CACNA1C: variants seen among roughly 807,000 people sequenced by gnomAD.
CACNA1C encodes the protein voltage-dependent L-type calcium channel subunit alpha-1C.
A neutral mutation model predicts 229.0 loss-of-function variants in CACNA1C; 30 were observed. The observed-to-expected ratio is 0.13, with a 90% CI of 0.10 to 0.18. CACNA1C has a LOEUF of 0.18. Among genes scored for constraint, CACNA1C ranks in the 10% least tolerant of loss-of-function variants. The probability of loss-of-function intolerance (pLI) is 1.00; values close to 1 mark genes in which losing one functional copy is unlikely to be tolerated. For missense variants in CACNA1C, 1,658 were observed against 2,845.0 expected, an observed-to-expected ratio of 0.58 and a Z score of 9.49; for synonymous variants, 1,114 against 1,132.5, an observed-to-expected ratio of 0.98 and a Z score of 0.33.
At position 2,602,471 on chromosome 12, in the gene CACNA1C, G is replaced by A. The variant is rs989899772; in HGVS notation, c.2960+511G>A. 1.3e-5 allele frequency among the ~76,000 whole-genome samples: 2 copies of A among 152,010 alleles called. No individual in the cohort carries two copies. Among genetic ancestry groups the A allele is most frequent in the South Asian group, 2.1e-4 (1 of 4,816 alleles). Reference sequence around the variant, plus strand: ...ACGTGTGTGGATGTGTGGGGTGTGTGTATATGTGGATGTGTGTTTGTGGCT... The same window carrying A: ...ACGTGTGTGGATGTGTGGGGTGTGTATATATGTGGATGTGTGTTTGTGGCT... On this transcript the variant is annotated intron_variant, in intron 22 of 46. Transcript: ENST00000399655. This position sits in a 1 kb window ranked among gnomAD's most constrained non-coding sequence, Gnocchi z 4.4.
chr12:2,202,251 G>A (rs982095644), intron 3 of CACNA1C, among the ~76,000 whole-genome samples: 28 of 152,208 alleles, frequency 1.8e-4, no homozygotes, highest in African/African-American at 6.5e-4. Flanking sequence ...AGCCCAGGCT[G>A]CCATGTGGCC....
At chr12:2,244,814 A>G (rs1440362513) in intron 3 of CACNA1C, among the ~76,000 whole-genome samples, 1 of 152,252 alleles carries the variant, frequency 6.6e-6, no homozygotes, top group Non-Finnish European at 1.5e-5. Flanking sequence ...ATGTTAATAA[A>G]CAGGGGGATT....
At chr12:2,297,769 C>T (rs927767840) in intron 3 of CACNA1C, among the ~76,000 whole-genome samples, 1 of 152,102 alleles carries the variant, frequency 6.6e-6, no homozygotes, top group Non-Finnish European at 1.5e-5. Context: ...TGTGCATATA[C>T]TTAAGTCTGT....
In CACNA1C at chr12:2,004,783, C is replaced by T. The variant is rs2043067989; in HGVS notation, c.139+33582C>T. The T allele has an allele frequency of 1.2e-5, 3 of 256,458 alleles. No homozygotes were observed. The Admixed American group carries it at 1.6e-4, about 13-fold the overall frequency. 15.9% of individuals were successfully genotyped at this position (256,458 alleles called of 1,614,324 possible). A position where few individuals can be genotyped will look rare whatever the true frequency, so the allele number is the denominator to read the frequency against. ...TGTTCGACCCCTTGGCATATCTTTTCTTTGGCGCTTCAGTGATCAAATCTA... is the reference window on the plus strand; with the variant it reads ...TGTTCGACCCCTTGGCATATCTTTTTTTTGGCGCTTCAGTGATCAAATCTA... On this transcript the variant is annotated intron_variant, in intron 1 of 46. Coordinates refer to the CACNA1C transcript ENST00000682462.
At chr12:2,499,928 C>T (rs993042788) in intron 7 of CACNA1C, among the ~76,000 whole-genome samples, 6 of 152,136 alleles carry the variant, frequency 3.9e-5, no homozygotes, top group African/African-American at 1.4e-4. Flanking sequence ...TTTGTGTGCT[C>T]TCTACTCAGC....
chr12:2,467,599 G>A lies in CACNA1C; in HGVS notation c.757+9893G>A, dbSNP rs891301231. On this transcript the variant is annotated intron_variant, in intron 5 of 46. Transcript: ENST00000399655. The surrounding 1 kb of genome is among the most constrained non-coding windows in gnomAD (Gnocchi z 4.6). ...GCAGCCAGAGACAGCAGGGGGTGGCGGGGGGCCCTTCACACTGCAGGAGGC... is the reference window on the plus strand; with the variant it reads ...GCAGCCAGAGACAGCAGGGGGTGGCAGGGGGCCCTTCACACTGCAGGAGGC... Among the ~76,000 whole-genome samples, 1 of 152,132 alleles carries A rather than the reference G, an allele frequency of 6.6e-6. No individual in the cohort carries two copies. The highest frequency in any genetic ancestry group is 1.5e-5 in the Non-Finnish European group (1 of 68,006).
chr12:2,037,637 C>T (rs73044433), intron 1 of CACNA1C, among the ~76,000 whole-genome samples: 7,191 of 152,278 alleles, frequency 0.047, 258 homozygotes, highest in Middle Eastern at 0.078. Context: ...TTTCCACCAT[C>T]GTACCAGTCA....
intron 3 of CACNA1C, among the ~76,000 whole-genome samples, chr12:2,424,089 A>G (rs985749916): frequency 6.6e-6 from 1 of 151,598 alleles, no homozygotes; most frequent in Non-Finnish European, 1.5e-5. Context: ...ATTTCCCCCA[A>G]TCTCTGTATT....
chr12:2,688,967 A>G (rs936485349), intron 46 of CACNA1C, among the ~76,000 whole-genome samples, 188 bp downstream of exon 46: 2 of 152,180 alleles, frequency 1.3e-5, no homozygotes, highest in East Asian at 1.9e-4. Context: ...ACAAGATGCT[A>G]TGGGCTCTCT....
intron 21 of CACNA1C, among the ~76,000 whole-genome samples, chr12:2,600,408 T>G (rs1472778835): frequency 1.3e-5 from 2 of 152,246 alleles, no homozygotes; most frequent in Non-Finnish European, 2.9e-5. Context: ...TCCCTCTGTG[T>G]TTGCTTTTGA....
intron 3 of CACNA1C, among the ~76,000 whole-genome samples, chr12:2,360,166 A>ACCCCCCCCC (rs2097522085): frequency 3.1e-5 from 1 of 32,438 alleles, no homozygotes; most frequent in African/African-American, 1.2e-4. Context: ...ACCCCCCCCC[A>ACCCCCCCCC]CCCCCCCACC....
intron 4 of CACNA1C, 128 bp from the exon 5 acceptor site, chr12:2,457,439 C>A: frequency 1.1e-6 from 1 of 946,092 alleles, no homozygotes; most frequent in South Asian, 2.0e-5. Context: ...CGCACACCCA[C>A]AACGCCCGCC....
At chr12:2,265,564 T>C (rs1172904683) in intron 3 of CACNA1C, among the ~76,000 whole-genome samples, 1 of 152,202 alleles carries the variant, frequency 6.6e-6, no homozygotes, top group Non-Finnish European at 1.5e-5. Context: ...CCAACCTCTT[T>C]GTTCTGTGGT....
At chr12:2,278,483 A>G (rs990835602) in intron 3 of CACNA1C, among the ~76,000 whole-genome samples, 2 of 152,058 alleles carry the variant, frequency 1.3e-5, no homozygotes, top group Non-Finnish European at 2.9e-5. Context: ...ATTGTTTTAT[A>G]TCAATGAAGT....
intron 3 of CACNA1C, among the ~76,000 whole-genome samples, chr12:2,233,279 A>G (rs1435859661): frequency 1.3e-5 from 2 of 152,194 alleles, no homozygotes; most frequent in Admixed American, 1.3e-4. Flanking sequence ...ATCTGGGGGT[A>G]ATTTCAAATT....
intron 8 of CACNA1C, among the ~76,000 whole-genome samples, chr12:2,507,389 T>G (rs1332897567): frequency 6.6e-6 from 1 of 152,156 alleles, no homozygotes; most frequent in Non-Finnish European, 1.5e-5. Flanking sequence ...CCCCGCCCCA[T>G]GCAGTGCCAA....
At chr12:2,202,781 G>T (rs1490720410) in intron 3 of CACNA1C, among the ~76,000 whole-genome samples, 1 of 152,120 alleles carries the variant, frequency 6.6e-6, no homozygotes, top group Non-Finnish European at 1.5e-5. Flanking sequence ...GAGCTCTGTT[G>T]TCCTCTTCCC....
chr12:2,004,478 T>C, intron 1 of CACNA1C: 1 of 1,552,814 alleles, frequency 6.4e-7, no homozygotes. Context: ...GAAGCCACTC[T>C]CAATAGATCG....
chr12:2,094,984 T>G (rs1052279278), intron 1 of CACNA1C, among the ~76,000 whole-genome samples: 2 of 152,178 alleles, frequency 1.3e-5, no homozygotes, highest in Non-Finnish European at 2.9e-5. Context: ...CCATGCTAAG[T>G]GCTTATAAAT....
Sources: allele counts gnomAD v4.1 joint callset (sites outside exome capture counted in the v4.1 genomes callset), GRCh38; gene constraint gnomAD v4.1.1; non-coding constraint Gnocchi (gnomAD v3.1); transcripts MANE v1.5; gene names NCBI Gene and HGNC (gene_info 2026-07-23, HGNC 2026-07-21).